The following ZNF793 variants were observed in gnomAD, a reference collection of about 807,000 sequenced individuals.
ZNF793 encodes the protein zinc finger protein 793.
In ZNF793, 5 loss-of-function variants were observed where a neutral mutation model predicts 12.4. The observed-to-expected ratio is 0.40, with a 90% CI of 0.21 to 0.84. The LOEUF (loss-of-function observed/expected upper bound fraction) is 0.84, where lower values mean the gene tolerates loss of function less well. Ranked by LOEUF, ZNF793 falls within the 40% of genes least tolerant of loss-of-function variation. The probability of loss-of-function intolerance (pLI) is 0.35; values close to 1 mark genes in which losing one functional copy is unlikely to be tolerated. For missense variants in ZNF793, 456 were observed against 495.0 expected (o/e 0.92, Z 0.75); for synonymous variants, 162 against 172.4 (o/e 0.94, Z 0.47).
intron 2 of ZNF793, among the ~76,000 whole-genome samples, chr19:37,512,654 T>C (rs536386944): frequency 3.3e-5 from 5 of 152,198 alleles, no homozygotes; most frequent in East Asian, 1.9e-4. Flanking sequence ...GTGAACATGA[T>C]GACCCTTTAC....
At chr19:37,510,259 C>A (rs1417906505) in intron 2 of ZNF793, among the ~76,000 whole-genome samples, 1 of 151,518 alleles carries the variant, frequency 6.6e-6, no homozygotes, top group Non-Finnish European at 1.5e-5. Flanking sequence ...AATCCCAGCA[C>A]TTTGGGAGGC....
At chr19:37,508,509 T>C (rs2042267947) in intron 2 of ZNF793, 106 bp downstream of exon 2, 1 of 152,114 alleles carries the variant, frequency 6.6e-6, no homozygotes, top group Non-Finnish European at 1.5e-5. Flanking sequence ...CAGGAATTAC[T>C]AGCCTGGTCA....
intron 2 of ZNF793, among the ~76,000 whole-genome samples, chr19:37,508,701 G>T (rs1336356121): frequency 5.3e-5 from 8 of 152,094 alleles, no homozygotes; most frequent in Non-Finnish European, 8.8e-5. Context: ...ATGAGACTCT[G>T]TCTCAAGATA....
intron 5 of ZNF793, among the ~76,000 whole-genome samples, chr19:37,527,030 C>T (rs766155832): frequency 2.0e-5 from 3 of 152,056 alleles, no homozygotes; most frequent in Admixed American, 6.6e-5. Context: ...TCACTGCAAC[C>T]TCTGCCTCCC....
At position 37,537,387 on chromosome 19, in the gene ZNF793, T is replaced by C; in HGVS notation, c.729T>C (p.Ile243=). The C allele has an allele frequency of 1.2e-6, 2 of 1,613,010 alleles. No individual in the cohort carries two copies. The highest frequency in any genetic ancestry group is 1.7e-6 in the Non-Finnish European group (2 of 1,179,396). The part of the protein sequence containing the change: ...GKAFCYKSEF[I]RHQRSHTGEK... ...CCTTCTGCTACAAGTCTGAATTCATTAGGCATCAGAGAAGTCACACTGGGG... is the reference window on the plus strand; with the variant it reads ...CCTTCTGCTACAAGTCTGAATTCATCAGGCATCAGAGAAGTCACACTGGGG... Residue 243 remains isoleucine (I), a synonymous_variant, in exon 8 of 8, where the codon ATT becomes ATC. Coordinates refer to ENST00000627814, the MANE Select transcript of ZNF793 (RefSeq NM_001013659.3).
upstream of ZNF793, chr19:37,506,910 A>C (rs1014761718): frequency 3.9e-5 from 6 of 152,234 alleles, no homozygotes; most frequent in African/African-American, 1.4e-4. Context: ...TGACAGCCTC[A>C]AAGTCGCAAT....
At chr19:37,514,350 G>A (rs2147062589) in intron 2 of ZNF793, among the ~76,000 whole-genome samples, 1 of 152,204 alleles carries the variant, frequency 6.6e-6, no homozygotes, top group Non-Finnish European at 1.5e-5. Flanking sequence ...CTATTCTTTA[G>A]TTCAAGACCA....
At chr19:37,510,779 C>T (rs1438814814) in intron 2 of ZNF793, among the ~76,000 whole-genome samples, 1 of 151,606 alleles carries the variant, frequency 6.6e-6, no homozygotes, top group Non-Finnish European at 1.5e-5. Context: ...TTACTGCAAC[C>T]CCTGCCTCCC....
At chr19:37,531,212 G>A (rs2042457694) in intron 5 of ZNF793, among the ~76,000 whole-genome samples, 1 of 151,788 alleles carries the variant, frequency 6.6e-6, no homozygotes, top group South Asian at 2.1e-4. Context: ...TGTCCTCCAG[G>A]CTGGAGTGCA....
In ZNF793 at chr19:37,519,548, A is replaced by C. The variant is rs547177026; in HGVS notation, c.-275-636A>C. 4.6e-5 allele frequency among the ~76,000 whole-genome samples: 7 copies of C among 152,356 alleles called. No individual in the cohort carries two copies. In the South Asian group the frequency reaches 1.5e-3, roughly 32 times the overall value. On this transcript the variant is annotated intron_variant, in intron 2 of 7. Transcript: ENST00000627814. ...TAAGGACAAATGACAAATAAGGACA[A>C]ATGTTATACTATAAAAACATATTTA...
At chr19:37,523,491 G>A in intron 5 of ZNF793, 37 bp downstream of exon 5, 2 of 1,602,376 alleles carry the variant, frequency 1.2e-6, no homozygotes, top group South Asian at 2.2e-5. Flanking sequence ...TTTCCTTCCT[G>A]GGGAAACTGT....
intron 2 of ZNF793, among the ~76,000 whole-genome samples, chr19:37,517,543 A>C (rs1389896209): frequency 6.6e-6 from 1 of 151,928 alleles, no homozygotes; most frequent in African/African-American, 2.4e-5. Context: ...AGCAAGACTG[A>C]GAAGTTATAA....
rs2042549345 is a variant in ZNF793, at chr19:37,541,156, C to T, written c.*3277C>T. On this transcript the variant is annotated 3_prime_UTR_variant, in exon 8 of 8. Coordinates refer to ENST00000627814, the MANE Select transcript of ZNF793 (RefSeq NM_001013659.3). Reference sequence around the variant, plus strand: ...GTGAAAAAGGTGAAATCTGAAACCACAGGGGAAAAGAGTAGTTTACTTAAA... The same window carrying T: ...GTGAAAAAGGTGAAATCTGAAACCATAGGGGAAAAGAGTAGTTTACTTAAA... 1 of 148,958 alleles carries T rather than the reference C, an allele frequency of 6.7e-6. No individual in the cohort carries two copies. Among genetic ancestry groups the T allele is most frequent in the South Asian group, 2.2e-4 (1 of 4,624 alleles). 9.2% of individuals were successfully genotyped at this position (148,958 alleles called of 1,614,324 possible).
intron 2 of ZNF793, among the ~76,000 whole-genome samples, chr19:37,519,032 C>T (rs570463713): frequency 2.0e-4 from 31 of 151,966 alleles, no homozygotes; most frequent in Admixed American, 3.3e-4. Flanking sequence ...TTTCCGAGGC[C>T]GAGGTGGGCG....
chr19:37,536,273 T>C (rs2042504047), intron 7 of ZNF793: 3 of 394,970 alleles, frequency 7.6e-6, no homozygotes, highest in Non-Finnish European at 1.3e-5. Flanking sequence ...CCAGTGCTTG[T>C]TAAGCTCCAA....
chr19:37,526,846 G>C (rs2042419650), intron 5 of ZNF793, among the ~76,000 whole-genome samples: 2 of 152,228 alleles, frequency 1.3e-5, no homozygotes, highest in African/African-American at 2.4e-5. Context: ...GGAGGTGGTA[G>C]GCCAGTGGCC....
chr19:37,528,435 T>TA (rs2042433213), intron 5 of ZNF793, among the ~76,000 whole-genome samples: 1 of 151,686 alleles, frequency 6.6e-6, no homozygotes, highest in Non-Finnish European at 1.5e-5. Context: ...CCCAAAGCCC[T>TA]CATTATAAAC....
At chr19:37,508,727 A>G (rs1343461525) in intron 2 of ZNF793, among the ~76,000 whole-genome samples, 1 of 152,156 alleles carries the variant, frequency 6.6e-6, no homozygotes, top group Admixed American at 6.6e-5. Flanking sequence ...ATAAATATAA[A>G]TAAACAAAAT....
chr19:37,537,357 G>C lies in ZNF793; in HGVS notation c.699G>C (p.Gly233=). The C allele has an allele frequency of 1.2e-6, 2 of 1,613,086 alleles. No homozygotes were observed. Among genetic ancestry groups the C allele is most frequent in the Non-Finnish European group, 1.7e-6 (2 of 1,179,458 alleles). The change falls in exon 8 of 8, where the codon GGG becomes GGC. Residue 233 remains glycine, a synonymous_variant. Transcript: ENST00000627814. ...TEKPHVCSEC[G]KAFCYKSEFI... ...AACCCCACGTCTGTAGTGAGTGTGG[G>C]AAAGCCTTCTGCTACAAGTCTGAAT... is the stretch of plus-strand genomic sequence containing the variant.
Sources: allele counts gnomAD v4.1 joint callset (sites outside exome capture counted in the v4.1 genomes callset), GRCh38; gene constraint gnomAD v4.1.1; transcripts MANE v1.5; gene names NCBI Gene and HGNC (gene_info 2026-07-23, HGNC 2026-07-21).